ZNF443: variants seen among roughly 807,000 people sequenced by gnomAD.
ZNF443 encodes the protein Kruppel-type zinc finger (C2H2).
A neutral mutation model predicts 12.0 loss-of-function variants in ZNF443; 3 were observed. That is an observed-to-expected ratio of 0.25 (90% CI 0.11 to 0.64). ZNF443 has a LOEUF of 0.64. Ranked by LOEUF, ZNF443 falls within the 30% of genes least tolerant of loss-of-function variation. The pLI, the probability that ZNF443 is intolerant of heterozygous loss-of-function variation, is 0.84. For missense variants in ZNF443, 770 were observed against 808.8 expected, an observed-to-expected ratio of 0.95 and a Z score of 0.58; for synonymous variants, 225 against 265.9, an observed-to-expected ratio of 0.85 and a Z score of 1.50.
Position 12,433,191 on chromosome 19 carries a change from C to T in ZNF443, c.10G>A (p.Val4Met), listed in dbSNP as rs377156080. 1.4e-5 allele frequency: 22 copies of T among 1,605,586 alleles called. No individual in the cohort carries two copies. The African/African-American group carries it at 2.6e-4, about 19-fold the overall frequency. The change falls in exon 2 of 4, where the codon GTG (valine) becomes ATG (methionine). Residue 4 changes from valine (V) to methionine (M), a missense_variant. Around this residue, in one of 3 missense-constraint regions of ZNF443, gnomAD observed 4 missense variants for 59.0 expected, o/e 0.07. Transcript: ENST00000301547. ...TTCACAGCCACATCCTCTAAAGCCA[C>T]TGAGGCCTGATCCATCCCACATGTA... Reference protein sequence around the residue: MASVALEDVAVNFT... With the variant: MASMALEDVAVNFT...
chr19:12,439,250 G>T (rs1426319803), intron 1 of ZNF443, among the ~76,000 whole-genome samples: 1 of 152,108 alleles, frequency 6.6e-6, no homozygotes, highest in African/African-American at 2.4e-5. Flanking sequence ...TATGGAATAT[G>T]ACCATGAAAT....
chr19:12,437,600 C>A (rs1599622685), intron 1 of ZNF443, among the ~76,000 whole-genome samples: 1 of 151,404 alleles, frequency 6.6e-6, no homozygotes, highest in South Asian at 2.1e-4. Flanking sequence ...TATCAATAAC[C>A]ACTTTAAATG....
chr19:12,439,645 C>G (rs749515897), intron 1 of ZNF443, among the ~76,000 whole-genome samples: 114 of 152,214 alleles, frequency 7.5e-4, no homozygotes, highest in Non-Finnish European at 1.4e-3. Flanking sequence ...AGCTACCAAG[C>G]CCAGCTAATT....
Position 12,431,222 on chromosome 19 carries a change from G to T in ZNF443, c.950C>A (p.Ala317Asp), listed in dbSNP as rs137870114. Reference protein sequence around the residue: ...KPYTCKQCGKAFSVSGSLQRH... With the variant: ...KPYTCKQCGKDFSVSGSLQRH... Reference sequence around the variant, plus strand: ...TTGAAGGGAACCGGAAACACTGAAGGCTTTCCCACATTGTTTACATGTATA... The same window carrying T: ...TTGAAGGGAACCGGAAACACTGAAGTCTTTCCCACATTGTTTACATGTATA... The change falls in exon 4 of 4, where the codon GCC becomes GAC. Residue 317 changes from alanine to aspartate, a missense_variant. By Grantham distance (126) the Ala-to-Asp change is moderately radical. Around this residue, in one of 3 missense-constraint regions of ZNF443, gnomAD observed 736 missense variants for 689.4 expected, o/e 1.07. Transcript: ENST00000301547. The T allele has an allele frequency of 1.2e-6, 2 of 1,614,024 alleles. No individual in the cohort carries two copies. The highest frequency in any genetic ancestry group is 1.3e-5 in the African/African-American group (1 of 75,006).
Position 12,430,959 on chromosome 19 carries a change from G to C in ZNF443, c.1213C>G (p.Arg405Gly), listed in dbSNP as rs141567865. ...CKQCGKALSH[R>G]SSFRSHMIMH... Reference sequence around the variant, plus strand: ...ATCATATGACTTCGAAAGCTTGAGCGATGAGATAATGCTTTCCCACACTGC... The same window carrying C: ...ATCATATGACTTCGAAAGCTTGAGCCATGAGATAATGCTTTCCCACACTGC... The change falls in exon 4 of 4, where the codon CGC (arginine) becomes GGC (glycine). Residue 405 changes from arginine (R) to glycine (G), a missense_variant. Physicochemically the swap from Arg to Gly is moderately radical, Grantham distance 125. Around this residue, in one of 3 missense-constraint regions of ZNF443, gnomAD observed 736 missense variants for 689.4 expected, o/e 1.07. Coordinates refer to ENST00000301547, the MANE Select transcript of ZNF443 (RefSeq NM_005815.5). 6.2e-7 allele frequency: 1 copy of C among 1,613,340 alleles called. No individual in the cohort carries two copies. Among genetic ancestry groups the C allele is most frequent in the South Asian group, 1.1e-5 (1 of 91,024 alleles).
chr19:12,437,403 G>A (rs1193608585), intron 1 of ZNF443, among the ~76,000 whole-genome samples: 1 of 104,898 alleles, frequency 9.5e-6, no homozygotes, highest in East Asian at 2.9e-4. Context: ...GCAAGAACCT[G>A]TCTCAAAAAA....
chr19:12,436,261 A>G (rs1970307388), intron 1 of ZNF443, among the ~76,000 whole-genome samples: 1 of 142,784 alleles, frequency 7.0e-6, no homozygotes, highest in African/African-American at 2.7e-5. Context: ...TGTGTGGATC[A>G]CCTGAGGCCA....
rs1833789 is a variant in ZNF443, at chr19:12,439,410, T to C, written c.3+1502A>G. On this transcript the variant is annotated intron_variant, in intron 1 of 3. Transcript: ENST00000301547. Reference sequence around the variant, plus strand: ...AGTTGCTCCCCAGGGGGCCACACCTTCCATCTCAGGCTGTCCCCTGGGAGG... The same window carrying C: ...AGTTGCTCCCCAGGGGGCCACACCTCCCATCTCAGGCTGTCCCCTGGGAGG... Among the ~76,000 whole-genome samples the C allele has an allele frequency of 1.2e-4, 19 of 152,200 alleles. No homozygotes were observed. In the South Asian group the frequency reaches 1.5e-3, roughly 12 times the overall value.
intron 1 of ZNF443, among the ~76,000 whole-genome samples, chr19:12,437,420 GAAAC>G (rs1328128394): frequency 9.1e-6 from 1 of 110,112 alleles, no homozygotes; most frequent in Non-Finnish European, 1.9e-5. Context: ...AAAAAAAAAA[GAAAC>G]AAAGAAACAA....
intron 1 of ZNF443, among the ~76,000 whole-genome samples, chr19:12,440,614 G>A (rs1326659217): frequency 6.6e-6 from 1 of 152,200 alleles, no homozygotes; most frequent in Non-Finnish European, 1.5e-5. Flanking sequence ...AGTGAGTCGG[G>A]CCGCGAACCT....
In ZNF443 at chr19:12,431,175, C is replaced by A. The variant is rs529701281; in HGVS notation, c.997G>T (p.Ala333Ser). The part of the protein sequence containing the change: ...SLQRHETTHS[A>S]EKPYACQQCG... ...TGCTGACATGCATAGGGTTTCTCTG[C>A]ACTGTGAGTGGTTTCATGTCTTTGA... Residue 333 changes from alanine (A) to serine (S), a missense_variant, in exon 4 of 4, where the codon GCA (alanine) becomes TCA (serine). Transcript: ENST00000301547. 6.2e-7 allele frequency: 1 copy of A among 1,614,038 alleles called. No individual in the cohort carries two copies. Among genetic ancestry groups the A allele is most frequent in the Non-Finnish European group, 8.5e-7 (1 of 1,179,956 alleles).
chr19:12,436,568 C>T (rs182451175), intron 1 of ZNF443, among the ~76,000 whole-genome samples: 1 of 143,238 alleles, frequency 7.0e-6, no homozygotes, highest in Non-Finnish European at 1.5e-5. Flanking sequence ...AAGTGTTCAA[C>T]AGATGTGAGC....
At chr19:12,437,477 C>T (rs1039906946) in intron 1 of ZNF443, among the ~76,000 whole-genome samples, 2 of 149,020 alleles carry the variant, frequency 1.3e-5, no homozygotes, top group African/African-American at 4.9e-5. Context: ...AAAACACAAT[C>T]ATATAGACAC....
chr19:12,440,094 TCCCACACACAAAC>T (rs1256158430), intron 1 of ZNF443, among the ~76,000 whole-genome samples: 1 of 151,956 alleles, frequency 6.6e-6, no homozygotes, highest in African/African-American at 2.4e-5. Flanking sequence ...CCACAGCTCC[TCCCACACACAAAC>T]CCCACACACG....
At chr19:12,440,670 C>A (rs1415297785) in intron 1 of ZNF443, among the ~76,000 whole-genome samples, 1 of 152,216 alleles carries the variant, frequency 6.6e-6, no homozygotes, top group African/African-American at 2.4e-5. Flanking sequence ...GGGCTGCGGG[C>A]TCGGAGCTGC....
At chr19:12,436,352 C>G (rs1033842674) in intron 1 of ZNF443, among the ~76,000 whole-genome samples, 74 of 149,644 alleles carry the variant, frequency 4.9e-4, no homozygotes, top group Admixed American at 4.7e-4. Flanking sequence ...TGGTGGTGCA[C>G]GCCTGTAATC....
intron 1 of ZNF443, among the ~76,000 whole-genome samples, chr19:12,434,143 T>C (rs1380947982): frequency 6.6e-6 from 1 of 152,184 alleles, no homozygotes; most frequent in Non-Finnish European, 1.5e-5. Flanking sequence ...TCTTATAAAT[T>C]ACCGAGGTTC....
rs374292881 is a variant in ZNF443, at chr19:12,436,124, T to C, written c.4-2927A>G. 1.6e-3 allele frequency among the ~76,000 whole-genome samples: 229 copies of C among 146,198 alleles called. 11 individuals carry two copies. The South Asian group carries it at 0.047, about 30-fold the overall frequency. Reference sequence around the variant, plus strand: ...AATATGTTCAATGAAGTAAAGGCAATGATGAACAAATAACTAAAAGAAAAC... The same window carrying C: ...AATATGTTCAATGAAGTAAAGGCAACGATGAACAAATAACTAAAAGAAAAC... On this transcript the variant is annotated intron_variant, in intron 1 of 3. Transcript: ENST00000301547.
chr19:12,433,463 C>A (rs1332531712), intron 1 of ZNF443, among the ~76,000 whole-genome samples: 4 of 152,216 alleles, frequency 2.6e-5, no homozygotes, highest in Non-Finnish European at 5.9e-5. Flanking sequence ...GCCTGGATCA[C>A]CCCTAATGTC....
Sources: gnomAD v4.1 joint callset for allele counts (sites outside exome capture counted in the v4.1 genomes callset) on GRCh38, gnomAD v4.1.1 for gene constraint, gnomAD v4.1.1 regional missense constraint, MANE v1.5 for transcripts, NCBI Gene and HGNC (gene_info 2026-07-23, HGNC 2026-07-21) for gene names.